CACNA2D3: variants seen among roughly 807,000 people sequenced by gnomAD.
CACNA2D3 encodes the protein voltage-dependent calcium channel subunit alpha-2/delta-3.
Under a neutral mutation model 160.6 loss-of-function variants are expected in CACNA2D3, and 60 were observed. That is an observed-to-expected ratio of 0.37 (90% CI 0.30 to 0.46). The LOEUF is 0.46. Among genes scored for constraint, CACNA2D3 ranks in the 20% least tolerant of loss-of-function variants. The pLI is 1.00. For synonymous variants in CACNA2D3, 558 were observed against 492.9 expected (o/e 1.13, Z -1.75); for missense variants, 1,205 against 1,365.0 (o/e 0.88, Z 1.85).
intron 17 of CACNA2D3, among the ~76,000 whole-genome samples, chr3:54,860,470 C>T (rs1430864853): frequency 6.6e-6 from 1 of 152,116 alleles, no homozygotes; most frequent in African/African-American, 2.4e-5. Flanking sequence ...GCAGGTTTTT[C>T]ATGAATATGG....
intron 33 of CACNA2D3, among the ~76,000 whole-genome samples, chr3:55,008,888 T>TACACACAC (rs4024588): frequency 0.035 from 5,024 of 142,940 alleles, 116 homozygotes; most frequent in Middle Eastern, 0.069. Context: ...CCTCCCTCTA[T>TACACACAC]ACACACACAC....
intron 11 of CACNA2D3, among the ~76,000 whole-genome samples, chr3:54,721,838 T>C (rs1432979250): frequency 6.6e-6 from 1 of 152,098 alleles, no homozygotes; most frequent in Non-Finnish European, 1.5e-5. Flanking sequence ...CTGGCTGCCT[T>C]AACATTTTTT....
intron 11 of CACNA2D3, among the ~76,000 whole-genome samples, chr3:54,710,593 A>G (rs1700935659): frequency 6.6e-6 from 1 of 152,204 alleles, no homozygotes; most frequent in Admixed American, 6.5e-5. Flanking sequence ...GGACCCACCA[A>G]CATGACTACC....
chr3:54,236,806 T>G (rs9839160), intron 2 of CACNA2D3, among the ~76,000 whole-genome samples: 5 of 152,120 alleles, frequency 3.3e-5, no homozygotes, highest in Non-Finnish European at 7.4e-5. Flanking sequence ...TGCCAAGAGA[T>G]TCTTGTACAA....
At chr3:54,638,612 T>G (rs1302454082) in intron 10 of CACNA2D3, 1 of 151,754 alleles carries the variant, frequency 6.6e-6, no homozygotes, top group Non-Finnish European at 1.5e-5. Context: ...TTGGGGTTGG[T>G]ACTGAGGGGA....
At chr3:54,923,568 T>G (rs1700915497) in intron 27 of CACNA2D3, among the ~76,000 whole-genome samples, 1 of 152,190 alleles carries the variant, frequency 6.6e-6, no homozygotes, top group African/African-American at 2.4e-5. Flanking sequence ...ATCATCTTAT[T>G]TAACATCTGT....
At chr3:54,660,526 CTG>C (rs925444030) in intron 11 of CACNA2D3, among the ~76,000 whole-genome samples, 2 of 151,948 alleles carry the variant, frequency 1.3e-5, no homozygotes, top group Non-Finnish European at 2.9e-5. Context: ...CTCCTTCTTC[CTG>C]TAGATTTTGG....
At chr3:54,991,740 G>A (rs557932537) in intron 31 of CACNA2D3, among the ~76,000 whole-genome samples, 1 of 152,142 alleles carries the variant, frequency 6.6e-6, no homozygotes, top group South Asian at 2.1e-4. Context: ...ATTCTCCACT[G>A]TGTGGCCATG....
chr3:54,534,856 G>T (rs912112547), intron 5 of CACNA2D3, among the ~76,000 whole-genome samples: 1 of 152,182 alleles, frequency 6.6e-6, no homozygotes, highest in Non-Finnish European at 1.5e-5. Flanking sequence ...GAGCTAGGGA[G>T]GTTGAGGCTG....
In CACNA2D3 at chr3:54,618,354, T is replaced by TACATAC. The variant is rs150317378; in HGVS notation, c.964-9432_964-9431insCATACA. Among the ~76,000 whole-genome samples, 13 of 87,034 alleles carry TACATAC rather than the reference T, an allele frequency of 1.5e-4. No individual in the cohort carries two copies. In the South Asian group the frequency reaches 1.5e-3, roughly 10 times the overall value. 57.1% of individuals were successfully genotyped at this position (87,034 alleles called of 152,430 possible). ...GTTCAAATTGATGTTGATACATACA[T>TACATAC]ATATATATATATATATATATGCACA... On this transcript the variant is annotated intron_variant, in intron 9 of 37. Transcript: ENST00000474759.
chr3:54,366,692 T>A (rs920456115), intron 3 of CACNA2D3, among the ~76,000 whole-genome samples: 3 of 152,344 alleles, frequency 2.0e-5, no homozygotes, highest in Admixed American at 6.5e-5. Flanking sequence ...GGCCTATGCA[T>A]TTCACTTTGG....
intron 11 of CACNA2D3, among the ~76,000 whole-genome samples, chr3:54,713,452 G>A (rs140290471): frequency 6.6e-6 from 1 of 152,314 alleles, no homozygotes; most frequent in African/African-American, 2.4e-5. Flanking sequence ...GAAGTTAAGA[G>A]CCACCCTTCC....
Position 54,130,962 on chromosome 3 carries a change from T to C in CACNA2D3, c.204+7368T>C, listed in dbSNP as rs187190408. ...ACATTTCTGAACCTATACCCTTAAATGAGAAAGGAGACCAGTACCTTCTAT... is the reference window on the plus strand; with the variant it reads ...ACATTTCTGAACCTATACCCTTAAACGAGAAAGGAGACCAGTACCTTCTAT... On this transcript the variant is annotated intron_variant, in intron 2 of 37. Coordinates refer to ENST00000474759, the MANE Select transcript of CACNA2D3 (RefSeq NM_018398.3). Among the ~76,000 whole-genome samples the C allele has an allele frequency of 5.3e-4, 80 of 152,302 alleles. 1 individual carries two copies. The highest frequency in any genetic ancestry group is 8.8e-4 in the Non-Finnish European group (60 of 68,030).
chr3:54,608,490 TCACA>T (rs1394443432), intron 9 of CACNA2D3, among the ~76,000 whole-genome samples: 4 of 152,124 alleles, frequency 2.6e-5, no homozygotes, highest in African/African-American at 9.7e-5. Context: ...GTTACGAAAA[TCACA>T]CACACAATAA....
intron 2 of CACNA2D3, among the ~76,000 whole-genome samples, chr3:54,237,961 G>A (rs1365631725): frequency 6.6e-6 from 1 of 152,172 alleles, no homozygotes; most frequent in Non-Finnish European, 1.5e-5. Context: ...GTGCTGACGT[G>A]CTTTGAGTCC....
At chr3:54,493,557 T>C (rs1170140765) in intron 4 of CACNA2D3, among the ~76,000 whole-genome samples, 1 of 152,168 alleles carries the variant, frequency 6.6e-6, no homozygotes, top group African/African-American at 2.4e-5. Flanking sequence ...TATGTCCTAT[T>C]CCCTTCCCTA....
At chr3:54,422,295 C>T (rs1201275442) in intron 4 of CACNA2D3, among the ~76,000 whole-genome samples, 4 of 152,178 alleles carry the variant, frequency 2.6e-5, no homozygotes, top group African/African-American at 9.7e-5. Context: ...AGTTTGTGTA[C>T]TACAGGCCCT....
intron 4 of CACNA2D3, among the ~76,000 whole-genome samples, chr3:54,413,236 TG>T (rs1359427323): frequency 6.6e-6 from 1 of 151,632 alleles, no homozygotes; most frequent in African/African-American, 2.4e-5. Flanking sequence ...TGATCTTTAG[TG>T]TTTCTGATGA....
intron 2 of CACNA2D3, among the ~76,000 whole-genome samples, chr3:54,175,260 G>A (rs1301088137): frequency 6.6e-6 from 1 of 152,160 alleles, no homozygotes; most frequent in Non-Finnish European, 1.5e-5. Context: ...AAATGGACTT[G>A]TAGGGGCCAT....
Sources: gnomAD v4.1 joint callset for allele counts (sites outside exome capture counted in the v4.1 genomes callset) on GRCh38, gnomAD v4.1.1 for gene constraint, MANE v1.5 for transcripts, NCBI Gene and HGNC (gene_info 2026-07-23, HGNC 2026-07-21) for gene names.